The following COL5A1 variants were observed in gnomAD, a reference collection of about 807,000 sequenced individuals.
The protein encoded by COL5A1 is collagen alpha-1(V) chain.
A neutral mutation model predicts 263.7 loss-of-function variants in COL5A1; 16 were observed. The observed-to-expected ratio is 0.06, with a 90% CI of 0.04 to 0.09. COL5A1 has a LOEUF of 0.09. Among genes scored for constraint, COL5A1 ranks in the 10% least tolerant of loss-of-function variants. The probability of loss-of-function intolerance (pLI) is 1.00; values close to 1 mark genes in which losing one functional copy is unlikely to be tolerated. For missense variants in COL5A1, 2,036 were observed against 2,540.5 expected, an observed-to-expected ratio of 0.80 and a Z score of 4.27; for synonymous variants, 1,012 against 1,004.5, an observed-to-expected ratio of 1.01 and a Z score of -0.14.
chr9:134,764,155 G>A (rs1480974774), intron 20 of COL5A1, among the ~76,000 whole-genome samples: 1 of 147,582 alleles, frequency 6.8e-6, no homozygotes, highest in East Asian at 2.0e-4. Context: ...ATCATTGGGA[G>A]GGTCCAGGGT....
chr9:134,690,253 A>G lies in COL5A1; in HGVS notation c.110-659A>G, dbSNP rs997474731. Reference sequence around the variant, plus strand: ...GCAGGGGTCTTCCAGGGCAATGGAAACTGCACACCCGCTGTAAACGGTCAT... The same window carrying G: ...GCAGGGGTCTTCCAGGGCAATGGAAGCTGCACACCCGCTGTAAACGGTCAT... On this transcript the variant is annotated intron_variant, in intron 1 of 65. Transcript: ENST00000371817. 3.3e-5 allele frequency among the ~76,000 whole-genome samples: 5 copies of G among 152,218 alleles called. No homozygotes were observed. In the East Asian group the frequency reaches 9.7e-4, roughly 29 times the overall value.
chr9:134,795,455 A>G lies in COL5A1; in HGVS notation c.2799+140A>G, dbSNP rs1398066312. ...CAGGACATTTTCTTAGGTGTGTTTA[A>G]GAAGCTTGTCCCCTCCAGCAGCCTC... On this transcript the variant is annotated intron_variant, in intron 34 of 65. Coordinates refer to ENST00000371817, the MANE Select transcript of COL5A1 (RefSeq NM_000093.5). The G allele has an allele frequency of 1.6e-5, 12 of 738,206 alleles. No individual in the cohort carries two copies. The East Asian group carries it at 3.2e-4, about 20-fold the overall frequency. The allele number at this position is 738,206 out of a possible 1,614,324, so 45.7% of individuals were successfully genotyped here.
At chr9:134,718,722 T>G (rs1834353506) in intron 4 of COL5A1, among the ~76,000 whole-genome samples, 1 of 151,958 alleles carries the variant, frequency 6.6e-6, no homozygotes, top group Admixed American at 6.6e-5. Context: ...AGCTCTGGGG[T>G]GGGGACTGTG....
intron 2 of COL5A1, among the ~76,000 whole-genome samples, chr9:134,694,628 T>G (rs1350298533): frequency 6.6e-6 from 1 of 152,232 alleles, no homozygotes; most frequent in Non-Finnish European, 1.5e-5. Flanking sequence ...GTCTGGGTTC[T>G]GGGATCTGTC....
In COL5A1 at chr9:134,756,832, C is replaced by T. The variant is rs1292203866; in HGVS notation, c.1881+14C>T. ...ACTGGCCCCAAGGTAGGTCACCCACCACCCTCCTGGTGCCCTGGCATCACT... is the reference window on the plus strand; with the variant it reads ...ACTGGCCCCAAGGTAGGTCACCCACTACCCTCCTGGTGCCCTGGCATCACT... On this transcript the variant is annotated intron_variant, in intron 17 of 65. Coordinates refer to ENST00000371817, the MANE Select transcript of COL5A1 (RefSeq NM_000093.5). The T allele has an allele frequency of 6.2e-6, 10 of 1,613,162 alleles. No individual in the cohort carries two copies. The highest frequency in any genetic ancestry group is 7.6e-6 in the Non-Finnish European group (9 of 1,179,332).
At chr9:134,788,490 G>A (rs1334176072) in intron 31 of COL5A1, among the ~76,000 whole-genome samples, 1 of 150,642 alleles carries the variant, frequency 6.6e-6, no homozygotes, top group Non-Finnish European at 1.5e-5. Flanking sequence ...GTGGATAGGT[G>A]GGTGAATGGA....
In COL5A1 at chr9:134,652,591, G is replaced by A; in HGVS notation, c.109+10295G>A. 2.4e-6 allele frequency: 1 copy of A among 409,996 alleles called. No homozygotes were observed. Among genetic ancestry groups the A allele is most frequent in the Non-Finnish European group, 5.2e-6 (1 of 190,944 alleles). 25.4% of individuals were successfully genotyped at this position (409,996 alleles called of 1,614,324 possible). A position where few individuals can be genotyped will look rare whatever the true frequency, so the allele number is the denominator to read the frequency against. On this transcript the variant is annotated intron_variant, in intron 1 of 65. Coordinates refer to ENST00000371817, the MANE Select transcript of COL5A1 (RefSeq NM_000093.5). The surrounding 1 kb of genome is among the most constrained non-coding windows in gnomAD (Gnocchi z 4.4). ...CGGCCTGTAGTTGGGGGAGTCCGAGGATGCTGCTCTGCACCCCACAGTGCA... is the reference window on the plus strand; with the variant it reads ...CGGCCTGTAGTTGGGGGAGTCCGAGAATGCTGCTCTGCACCCCACAGTGCA...
At chr9:134,708,155 G>A (rs138956335) in intron 4 of COL5A1, among the ~76,000 whole-genome samples, 47 of 152,302 alleles carry the variant, frequency 3.1e-4, no homozygotes, top group Middle Eastern at 3.4e-3. Flanking sequence ...TGGGGGGCTG[G>A]CTGGGCCAAC....
chr9:134,687,578 A>C (rs1426836033), intron 1 of COL5A1, among the ~76,000 whole-genome samples: 1 of 152,178 alleles, frequency 6.6e-6, no homozygotes, highest in Non-Finnish European at 1.5e-5. Context: ...TTGTTTCATG[A>C]AGCTTTCGGA....
At position 134,742,145 on chromosome 9, in the gene COL5A1, G is replaced by C. The variant is rs2132662224; in HGVS notation, c.1494+3337G>C. 6.6e-6 allele frequency among the ~76,000 whole-genome samples: 1 copy of C among 152,310 alleles called. No individual in the cohort carries two copies. The highest frequency in any genetic ancestry group is 2.1e-4 in the South Asian group (1 of 4,824). On this transcript the variant is annotated intron_variant, in intron 11 of 65. Transcript: ENST00000371817. The surrounding 1 kb of genome is among the most constrained non-coding windows in gnomAD (Gnocchi z 4.6). ...TTGCTTCCTTCACACACTCTGGTGA[G>C]CCCTGCACACTCTCCCGCTGCTCCC...
chr9:134,781,009 G>A (rs1018705399), intron 28 of COL5A1, among the ~76,000 whole-genome samples: 2 of 152,364 alleles, frequency 1.3e-5, no homozygotes, highest in East Asian at 1.9e-4. Context: ...CCCTGGCCAC[G>A]GCGGCCTGCG....
chr9:134,643,462 C>T (rs1307283501), intron 1 of COL5A1, among the ~76,000 whole-genome samples: 1 of 152,144 alleles, frequency 6.6e-6, no homozygotes, highest in Admixed American at 6.5e-5. Context: ...AATCATTGTC[C>T]GTGTTCCGCT....
chr9:134,776,702 A>C (rs1837066012), intron 27 of COL5A1, among the ~76,000 whole-genome samples: 1 of 152,182 alleles, frequency 6.6e-6, no homozygotes, highest in Non-Finnish European at 1.5e-5. Context: ...TCCCAGGAAA[A>C]GGTTCTTAGT....
In COL5A1 at chr9:134,728,825, G is replaced by A. The variant is rs760534857; in HGVS notation, c.924+18G>A. The A allele has an allele frequency of 3.1e-6, 5 of 1,613,906 alleles. No homozygotes were observed. The South Asian group carries it at 5.5e-5, about 18-fold the overall frequency. On this transcript the variant is annotated intron_variant, in intron 6 of 65. Transcript: ENST00000371817. ...TCCCCGAGGTCTGGGCTGAGCGGGG[G>A]ACTGGGTTGGGCTGGGCCCCTCGAG...
At chr9:134,807,845 C>T in intron 42 of COL5A1, among the ~76,000 whole-genome samples, 1 of 152,186 alleles carries the variant, frequency 6.6e-6, no homozygotes, top group East Asian at 1.9e-4. Context: ...AGAGTGCACA[C>T]AAAGTCAGCT....
intron 4 of COL5A1, among the ~76,000 whole-genome samples, chr9:134,713,490 A>ACAGAG (rs1834140850): frequency 6.6e-6 from 1 of 152,192 alleles, no homozygotes; most frequent in South Asian, 2.1e-4. Context: ...ACCTTACTCT[A>ACAGAG]TTGGTTGACA....
rs1832871301 is a variant in COL5A1, at chr9:134,681,943, CT to C, written c.110-8968del. ...TGTAGCTCTCTCTCTCTCCCTCTCT[CT>C]CCCCATCTCTCCCTCCCTCTCTCTC... is the stretch of plus-strand genomic sequence containing the variant. On this transcript the variant is annotated intron_variant, in intron 1 of 65. Transcript: ENST00000371817. This position sits in a 1 kb window ranked among gnomAD's most constrained non-coding sequence, Gnocchi z 4.3. 6.6e-6 allele frequency among the ~76,000 whole-genome samples: 1 copy of C among 151,968 alleles called. No homozygotes were observed. Among genetic ancestry groups the C allele is most frequent in the South Asian group, 2.1e-4 (1 of 4,810 alleles).
At position 134,844,512 on chromosome 9, in the gene COL5A1, T is replaced by G. The variant is rs1472110437; in HGVS notation, c.*2209T>G. On this transcript the variant is annotated 3_prime_UTR_variant, in exon 66 of 66. Coordinates refer to ENST00000371817, the MANE Select transcript of COL5A1 (RefSeq NM_000093.5). Reference sequence around the variant, plus strand: ...TCTCCCCAGACCACTCTAGCCACAGTATATTGCAATAAAATTACTTCTTAT... The same window carrying G: ...TCTCCCCAGACCACTCTAGCCACAGGATATTGCAATAAAATTACTTCTTAT... The G allele has an allele frequency of 6.6e-6, 1 of 152,432 alleles. No homozygotes were observed. The highest frequency in any genetic ancestry group is 1.5e-5 in the Non-Finnish European group (1 of 68,040). The allele number at this position is 152,432 out of a possible 1,614,324, so 9.4% of individuals were successfully genotyped here.
intron 44 of COL5A1, 171 bp downstream of exon 44, chr9:134,810,479 G>A (rs1381614349): frequency 3.0e-5 from 19 of 630,810 alleles, no homozygotes; most frequent in South Asian, 9.8e-5. Flanking sequence ...GTGTGCACAC[G>A]CGTGCATATC....
Sources: allele counts gnomAD v4.1 joint callset (sites outside exome capture counted in the v4.1 genomes callset), GRCh38; gene constraint gnomAD v4.1.1; non-coding constraint Gnocchi (gnomAD v3.1); transcripts MANE v1.5; gene names NCBI Gene and HGNC (gene_info 2026-07-23, HGNC 2026-07-21).